The following NOL11 variants were observed in gnomAD, a reference collection of about 807,000 sequenced individuals.
NOL11 encodes nucleolar protein 11.
NOL11 carries 42 observed loss-of-function variants against 93.0 expected under a neutral mutation model. The observed-to-expected ratio is 0.45, with a 90% confidence interval of 0.35 to 0.58. The LOEUF (loss-of-function observed/expected upper bound fraction) is 0.58, where lower values mean the gene tolerates loss of function less well. Among genes scored for constraint, NOL11 ranks in the 20% least tolerant of loss-of-function variants. The pLI is 0.00. For missense variants in NOL11, 775 were observed against 841.8 expected (o/e 0.92, Z 0.98); for synonymous variants, 296 against 293.7 (o/e 1.01, Z -0.08).
intron 6 of NOL11, among the ~76,000 whole-genome samples, chr17:67,725,718 A>G (rs2055085129): frequency 6.6e-6 from 1 of 152,310 alleles, no homozygotes; most frequent in African/African-American, 2.4e-5. Context: ...ACCACATGAA[A>G]CTGCCGAAAT....
intron 7 of NOL11, among the ~76,000 whole-genome samples, chr17:67,729,939 T>G (rs2055136453): frequency 6.6e-6 from 1 of 151,870 alleles, no homozygotes; most frequent in African/African-American, 2.4e-5. Flanking sequence ...ATTTTTGTTT[T>G]TATATTTAGT....
chr17:67,743,375 T>G, intron 16 of NOL11, 104 bp from the exon 17 acceptor site: 2 of 474,948 alleles, frequency 4.2e-6, no homozygotes, highest in East Asian at 6.6e-5. Flanking sequence ...ATTTTATTTA[T>G]AAAGACTTAT....
intron 5 of NOL11, among the ~76,000 whole-genome samples, chr17:67,723,631 C>A (rs1311404421): frequency 6.6e-6 from 1 of 151,832 alleles, no homozygotes; most frequent in Non-Finnish European, 1.5e-5. Flanking sequence ...TTGTGATCCA[C>A]CGACTGCGGC....
At chr17:67,734,223 T>A in intron 7 of NOL11, 140 bp from the exon 8 acceptor site, 1 of 609,226 alleles carries the variant, frequency 1.6e-6, no homozygotes. Flanking sequence ...TTTCTTCCAG[T>A]TCCTGTGGCA....
chr17:67,739,429 A>T, intron 15 of NOL11, 87 bp from the exon 16 acceptor site: 1 of 750,312 alleles, frequency 1.3e-6, no homozygotes, highest in Non-Finnish European at 2.2e-6. Context: ...TATAAATTGA[A>T]CATTTTTTTC....
chr17:67,737,083 A>G lies in NOL11; in HGVS notation c.1156A>G (p.Lys386Glu), dbSNP rs758654424. The change falls in exon 11 of 18, where the codon AAA (lysine) becomes GAA (glutamate). Residue 386 changes from lysine to glutamate, a missense_variant. Lys to Glu is a moderately conservative substitution (Grantham distance 56, BLOSUM62 1). Around this residue, in one of 2 missense-constraint regions of NOL11, gnomAD observed 416 missense variants for 525.2 expected, o/e 0.79. Transcript: ENST00000253247. Reference protein sequence around the residue: ...EQSRRILRRRKIEVSLQPEVP... With the variant: ...EQSRRILRRREIEVSLQPEVP... ...TACTTAATTCCAGTTAAGGAGACGA[A>G]AAATTGAAGTGAGTTTACAGCCAGA... 1 of 1,609,604 alleles carries G rather than the reference A, an allele frequency of 6.2e-7. No individual in the cohort carries two copies. The highest frequency in any genetic ancestry group is 8.5e-7 in the Non-Finnish European group (1 of 1,176,104).
chr17:67,737,592 G>C lies in NOL11; in HGVS notation c.1303G>C (p.Asp435His), dbSNP rs771257686. ...ACCTGACTTTCATACTGTCATTGGG[G>C]ACACAGTAACAGGACTTCTGGAAAG... ...QTPDFHTVIGDTVTGLLERCK... is the reference protein window; with the variant it reads ...QTPDFHTVIGHTVTGLLERCK... Residue 435 changes from aspartate (D) to histidine (H), a missense_variant, in exon 12 of 18, where the codon GAC (aspartate) becomes CAC (histidine). By Grantham distance (81) the Asp-to-His change is moderately conservative. This residue lies in a region of NOL11 where 416 missense variants were observed against 525.2 expected (regional missense o/e 0.79). Coordinates refer to ENST00000253247, the MANE Select transcript of NOL11 (RefSeq NM_015462.5). 3 of 1,614,020 alleles carry C rather than the reference G, an allele frequency of 1.9e-6. No individual in the cohort carries two copies. Among genetic ancestry groups the C allele is most frequent in the South Asian group, 2.2e-5 (2 of 91,078 alleles).
At chr17:67,723,469 ACCTCTG>A (rs1190190205) in intron 5 of NOL11, among the ~76,000 whole-genome samples, 1 of 118,032 alleles carries the variant, frequency 8.5e-6, no homozygotes, top group Non-Finnish European at 1.6e-5. Flanking sequence ...GCTCACTGCA[ACCTCTG>A]CCTCCTGGGT....
intron 5 of NOL11, 84 bp from the exon 6 acceptor site, chr17:67,723,964 TG>T: frequency 2.2e-6 from 2 of 890,504 alleles, no homozygotes; most frequent in Non-Finnish European, 3.4e-6. Flanking sequence ...GTAAGTAGAA[TG>T]GGGTGACAAC....
In NOL11 at chr17:67,724,139, A is replaced by C; in HGVS notation, c.610A>C (p.Ile204Leu). 1 of 1,592,994 alleles carries C rather than the reference A, an allele frequency of 6.3e-7. No homozygotes were observed. The change falls in exon 6 of 18, where the codon ATA (isoleucine) becomes CTA (leucine). Residue 204 changes from isoleucine (I) to leucine (L), a missense_variant. By Grantham distance (5) the Ile-to-Leu change is conservative (BLOSUM62 2). Around this residue, in one of 2 missense-constraint regions of NOL11, gnomAD observed 359 missense variants for 316.5 expected, o/e 1.13. Coordinates refer to ENST00000253247, the MANE Select transcript of NOL11 (RefSeq NM_015462.5). ...LLLGQDENSV[I>L]KSFTASVDRK... ...ACTTGGACAAGACGAAAACTCTGTT[A>C]TAAAGAGTTTTACTGCATCTGTAGA...
In NOL11 at chr17:67,743,163, G is replaced by A. The variant is rs75757280; in HGVS notation, c.1936-316G>A. Among the ~76,000 whole-genome samples, 141 of 152,262 alleles carry A rather than the reference G, an allele frequency of 9.3e-4. No homozygotes were observed. The East Asian group carries it at 0.024, about 26-fold the overall frequency. On this transcript the variant is annotated intron_variant, in intron 16 of 17. Coordinates refer to ENST00000253247, the MANE Select transcript of NOL11 (RefSeq NM_015462.5). ...GATTGCAGCTACTCTGGGAGGTTGA[G>A]GCAGGAGGATCACTTCAGCCCAGGT...
intron 7 of NOL11, among the ~76,000 whole-genome samples, chr17:67,731,023 T>C (rs149809740): frequency 6.6e-6 from 1 of 152,362 alleles, no homozygotes; most frequent in East Asian, 1.9e-4. Context: ...AATGACTAAG[T>C]GTGTTGAACA....
chr17:67,720,009 T>A, intron 3 of NOL11, 47 bp downstream of exon 3: 1 of 1,482,188 alleles, frequency 6.7e-7, no homozygotes, highest in East Asian at 2.3e-5. Context: ...TATTGGTGAA[T>A]TAGAATCATT....
chr17:67,722,764 A>T (rs1255827249), intron 5 of NOL11, 127 bp downstream of exon 5: 104 of 1,257,366 alleles, frequency 8.3e-5, no homozygotes, highest in Non-Finnish European at 1.1e-4. Context: ...GGTTCACTGC[A>T]GCCTCAACCT....
chr17:67,743,593 G>C lies in NOL11; in HGVS notation c.2043+7G>C, dbSNP rs2055274625. The C allele has an allele frequency of 6.6e-7, 1 of 1,506,182 alleles. No individual in the cohort carries two copies. The highest frequency in any genetic ancestry group is 1.8e-5 in the Admixed American group (1 of 56,422). 93.3% of individuals were successfully genotyped at this position (1,506,182 alleles called of 1,614,324 possible). On this transcript the variant is annotated splice_region_variant and intron_variant, in intron 17 of 17. Transcript: ENST00000253247. ...CAAGCTTGTAAAATCTCAGGTTTGT[G>C]ATTATTTGATATATACTGATTTTAT...
At chr17:67,734,313 C>T (rs769205962) in intron 7 of NOL11, 50 bp from the exon 8 acceptor site, 1 of 1,026,990 alleles carries the variant, frequency 9.7e-7, no homozygotes, top group South Asian at 1.3e-5. Context: ...CCCAAAATAT[C>T]ATATATTTAT....
At chr17:67,719,856 T>C in intron 2 of NOL11, 50 bp from the exon 3 acceptor site, 1 of 1,507,952 alleles carries the variant, frequency 6.6e-7, no homozygotes, top group Non-Finnish European at 9.1e-7. Flanking sequence ...GTATTTATTA[T>C]ATGTAAATGG....
chr17:67,743,312 G>C (rs1473449), intron 16 of NOL11, 167 bp from the exon 17 acceptor site: 18 of 437,662 alleles, frequency 4.1e-5, no homozygotes, highest in Admixed American at 2.1e-4. Flanking sequence ...AGCCAGAAAT[G>C]AGCCTTTTTA....
chr17:67,739,061 C>A, intron 15 of NOL11, 51 bp downstream of exon 15: 2 of 1,223,892 alleles, frequency 1.6e-6, no homozygotes, highest in Non-Finnish European at 2.4e-6. Flanking sequence ...TTAAATATTG[C>A]TATTTAACTC....
Sources: gnomAD v4.1 joint callset for allele counts (sites outside exome capture counted in the v4.1 genomes callset) on GRCh38, gnomAD v4.1.1 for gene constraint, gnomAD v4.1.1 regional missense constraint, MANE v1.5 for transcripts, NCBI Gene and HGNC (gene_info 2026-07-23, HGNC 2026-07-21) for gene names.